CNTNAP5: variants seen among roughly 807,000 people sequenced by gnomAD.
CNTNAP5 encodes the protein contactin-associated protein-like 5.
A neutral mutation model predicts 150.2 loss-of-function variants in CNTNAP5; 72 were observed. That is an observed-to-expected ratio of 0.48 (90% CI 0.40 to 0.58). The LOEUF is 0.58. Ranked by LOEUF, CNTNAP5 falls within the 20% of genes least tolerant of loss-of-function variation. CNTNAP5 has a pLI of 0.00. For missense variants in CNTNAP5, 1,636 were observed against 1,626.2 expected, an observed-to-expected ratio of 1.01 and a Z score of -0.10; for synonymous variants, 672 against 619.8, an observed-to-expected ratio of 1.08 and a Z score of -1.25.
chr2:124,377,571 A>T (rs1030983319), intron 3 of CNTNAP5, among the ~76,000 whole-genome samples: 4 of 151,902 alleles, frequency 2.6e-5, no homozygotes, highest in Admixed American at 2.6e-4. Flanking sequence ...GCTACTCAGG[A>T]GGCTGAGACA....
chr2:124,421,925 T>G (rs184903155), intron 4 of CNTNAP5, among the ~76,000 whole-genome samples: 1 of 152,182 alleles, frequency 6.6e-6, no homozygotes, highest in East Asian at 1.9e-4. Context: ...GTCATTTACT[T>G]TGTGGTGTCG....
chr2:124,115,496 T>G (rs1455685882), intron 1 of CNTNAP5, among the ~76,000 whole-genome samples: 1 of 151,914 alleles, frequency 6.6e-6, no homozygotes, highest in Non-Finnish European at 1.5e-5. Context: ...CAAAATCGAG[T>G]GGGCTGCTGG....
intron 17 of CNTNAP5, among the ~76,000 whole-genome samples, chr2:124,780,355 A>G (rs1487140568): frequency 6.6e-6 from 1 of 152,306 alleles, no homozygotes; most frequent in East Asian, 1.9e-4. Context: ...GACACACTCA[A>G]TTGGTGTAAT....
In CNTNAP5 at chr2:124,527,325, C is replaced by A; in HGVS notation, c.1518C>A (p.Pro506=). 6.2e-7 allele frequency: 1 copy of A among 1,613,726 alleles called. No individual in the cohort carries two copies. Among genetic ancestry groups the A allele is most frequent in the East Asian group, 2.2e-5 (1 of 44,848 alleles). The part of the protein sequence containing the change: ...DNLTDSQCLN[P]IKAFQGCMRL... Reference sequence around the variant, plus strand: ...TCACCGATTCCCAATGTTTAAATCCCATTAAGGCTTTCCAAGGCTGCATGA... The same window carrying A: ...TCACCGATTCCCAATGTTTAAATCCAATTAAGGCTTTCCAAGGCTGCATGA... Residue 506 remains proline (P), a synonymous_variant, in exon 10 of 24, where the codon CCC becomes CCA. Coordinates refer to ENST00000682447, the MANE Select transcript of CNTNAP5 (RefSeq NM_001367498.1).
chr2:124,226,452 T>C (rs1243796975), intron 2 of CNTNAP5, among the ~76,000 whole-genome samples: 6 of 152,170 alleles, frequency 3.9e-5, no homozygotes, highest in Non-Finnish European at 1.5e-5. Flanking sequence ...ATTGGGTTAT[T>C]TGTTTTTTTG....
intron 3 of CNTNAP5, among the ~76,000 whole-genome samples, chr2:124,385,285 A>T (rs1048353900): frequency 6.6e-6 from 1 of 152,180 alleles, no homozygotes; most frequent in East Asian, 1.9e-4. Flanking sequence ...TATTATGAAC[A>T]TAATCTAATA....
chr2:124,076,440 T>A (rs12479226), intron 1 of CNTNAP5, among the ~76,000 whole-genome samples: 42,585 of 151,998 alleles, frequency 0.28, 6,388 homozygotes, highest in Admixed American at 0.36. Flanking sequence ...TACTATAGTG[T>A]TCACATTTGA....
intron 23 of CNTNAP5, among the ~76,000 whole-genome samples, chr2:124,913,189 A>G (rs574000067): frequency 1.3e-5 from 2 of 152,216 alleles, no homozygotes; most frequent in South Asian, 4.1e-4. Flanking sequence ...AAAATGAAAC[A>G]GCAAAATATA....
At chr2:124,150,189 G>A (rs902635620) in intron 1 of CNTNAP5, among the ~76,000 whole-genome samples, 3 of 152,152 alleles carry the variant, frequency 2.0e-5, no homozygotes, top group Non-Finnish European at 4.4e-5. Context: ...GTATTCATTT[G>A]CTGTTATATC....
At chr2:124,780,363 A>G (rs986163105) in intron 17 of CNTNAP5, among the ~76,000 whole-genome samples, 2 of 152,190 alleles carry the variant, frequency 1.3e-5, no homozygotes, top group East Asian at 1.9e-4. Context: ...CAATTGGTGT[A>G]ATGGCTCCAG....
intron 1 of CNTNAP5, among the ~76,000 whole-genome samples, chr2:124,113,609 T>A (rs1275906424): frequency 6.6e-6 from 1 of 151,658 alleles, no homozygotes; most frequent in African/African-American, 2.4e-5. Flanking sequence ...AAATATGTCA[T>A]CTCATCTTAC....
At chr2:124,874,328 T>G (rs1677810724) in intron 21 of CNTNAP5, among the ~76,000 whole-genome samples, 1 of 152,176 alleles carries the variant, frequency 6.6e-6, no homozygotes, top group Middle Eastern at 3.4e-3. Flanking sequence ...AGAGATAATG[T>G]TTCTGGAAAC....
chr2:124,138,209 A>G (rs1235491443), intron 1 of CNTNAP5, among the ~76,000 whole-genome samples: 4 of 152,138 alleles, frequency 2.6e-5, no homozygotes, highest in Admixed American at 6.5e-5. Flanking sequence ...CACTGATGAG[A>G]CACTAAGTGT....
chr2:124,354,728 A>G (rs2104705768), intron 3 of CNTNAP5, among the ~76,000 whole-genome samples: 1 of 152,322 alleles, frequency 6.6e-6, no homozygotes, highest in East Asian at 1.9e-4. Flanking sequence ...TATTCTGAGT[A>G]TTGTTTAACA....
intron 7 of CNTNAP5, among the ~76,000 whole-genome samples, chr2:124,481,729 T>G (rs1573403300): frequency 6.6e-6 from 1 of 152,122 alleles, no homozygotes; most frequent in African/African-American, 2.4e-5. Context: ...TTACAAATAC[T>G]ATTTCAGCAC....
At chr2:124,448,118 A>G (rs1692869313) in intron 6 of CNTNAP5, among the ~76,000 whole-genome samples, 1 of 151,656 alleles carries the variant, frequency 6.6e-6, no homozygotes, top group East Asian at 1.9e-4. Flanking sequence ...AACACAAAAA[A>G]CTAGCCGGGC....
chr2:124,854,038 C>T (rs10192080), intron 19 of CNTNAP5, among the ~76,000 whole-genome samples: 40,176 of 152,126 alleles, frequency 0.26, 8,019 homozygotes, highest in African/African-American at 0.56. Flanking sequence ...TATACCATAT[C>T]TACTTTATCC....
rs564182844 is a variant in CNTNAP5, at chr2:124,246,155, C to T, written c.381+3762C>T. Reference sequence around the variant, plus strand: ...TTGATTTACCAAACAATACATAGCACATCCTGAGGATGGGACAATCCATTC... The same window carrying T: ...TTGATTTACCAAACAATACATAGCATATCCTGAGGATGGGACAATCCATTC... On this transcript the variant is annotated intron_variant, in intron 3 of 23. Transcript: ENST00000682447. 3.9e-5 allele frequency among the ~76,000 whole-genome samples: 6 copies of T among 152,256 alleles called. No homozygotes were observed. The South Asian group carries it at 1.2e-3, about 32-fold the overall frequency.
At chr2:124,327,914 T>C (rs781081972) in intron 3 of CNTNAP5, among the ~76,000 whole-genome samples, 2 of 152,314 alleles carry the variant, frequency 1.3e-5, no homozygotes, top group South Asian at 2.1e-4. Context: ...ACTTTCCAAA[T>C]TGGTTGAGAA....
Sources: allele counts gnomAD v4.1 joint callset (sites outside exome capture counted in the v4.1 genomes callset), GRCh38; gene constraint gnomAD v4.1.1; transcripts MANE v1.5; gene names NCBI Gene and HGNC (gene_info 2026-07-23, HGNC 2026-07-21).